Variants in SLC5A5 observed in about 807,000 individuals in gnomAD.
The protein encoded by SLC5A5 is sodium/iodide cotransporter.
SLC5A5 carries 56 observed loss-of-function variants against 68.6 expected under a neutral mutation model. The observed-to-expected ratio is 0.82, with a 90% CI of 0.66 to 1.02. SLC5A5 has a LOEUF of 1.02. Ranked by LOEUF, SLC5A5 falls within the 50% of genes least tolerant of loss-of-function variation. The probability of loss-of-function intolerance (pLI) is 0.00; values close to 1 mark genes in which losing one functional copy is unlikely to be tolerated. For missense variants in SLC5A5, 807 were observed against 859.8 expected (o/e 0.94, Z 0.77); for synonymous variants, 398 against 373.0 (o/e 1.07, Z -0.77).
At chr19:17,878,437 G>A (rs553012816) in intron 7 of SLC5A5, among the ~76,000 whole-genome samples, 6 of 152,074 alleles carry the variant, frequency 3.9e-5, no homozygotes, top group East Asian at 3.9e-4. Context: ...CCCGGGAGGC[G>A]GAGGTTGCGA....
chr19:17,873,200 C>T (rs1367285137), intron 1 of SLC5A5, among the ~76,000 whole-genome samples: 2 of 152,232 alleles, frequency 1.3e-5, no homozygotes, highest in East Asian at 3.9e-4. Context: ...GTGGCTCACG[C>T]CTGTAATCCC....
At position 17,883,856 on chromosome 19, in the gene SLC5A5, C is replaced by A. The variant is rs982826847; in HGVS notation, c.1336C>A (p.Leu446Ile). ...ACGCCGGCTCTGCCCCCAGGGCGTCCTCGCGGGACTAGGCGCGGGCTTGGC... is the reference window on the plus strand; with the variant it reads ...ACGCCGGCTCTGCCCCCAGGGCGTCATCGCGGGACTAGGCGCGGGCTTGGC... The part of the protein sequence containing the change: ...FLPACNTPGV[L>I]AGLGAGLALS... Residue 446 changes from leucine to isoleucine, a missense_variant, in exon 12 of 15, where the codon CTC becomes ATC. Coordinates refer to ENST00000222248, the MANE Select transcript of SLC5A5 (RefSeq NM_000453.3). 6.3e-7 allele frequency: 1 copy of A among 1,595,752 alleles called. No homozygotes were observed. Among genetic ancestry groups the A allele is most frequent in the Non-Finnish European group, 8.5e-7 (1 of 1,172,164 alleles).
In SLC5A5 at chr19:17,890,901, G is replaced by A. The variant is rs1251502647; in HGVS notation, c.1667G>A (p.Ser556Asn). 1.2e-6 allele frequency: 2 copies of A among 1,613,574 alleles called. No homozygotes were observed. The highest frequency in any genetic ancestry group is 2.2e-5 in the East Asian group (1 of 44,890). ...CGCCTCTCAGGCCCCACCAAGCGCA[G>A]CACCCTGGCCCCGGGATTGTTGTGG... is the stretch of plus-strand genomic sequence containing the variant. ...ISCLTGPTKRSTLAPGLLWWD... is the reference protein window; with the variant it reads ...ISCLTGPTKRNTLAPGLLWWD... The change falls in exon 14 of 15, where the codon AGC (serine) becomes AAC (asparagine). Residue 556 changes from serine (S) to asparagine (N), a missense_variant. Coordinates refer to ENST00000222248, the MANE Select transcript of SLC5A5 (RefSeq NM_000453.3).
intron 1 of SLC5A5, among the ~76,000 whole-genome samples, chr19:17,873,865 G>A (rs934598273): frequency 3.3e-5 from 5 of 152,236 alleles, no homozygotes; most frequent in African/African-American, 1.2e-4. Flanking sequence ...TCTGCTGAGC[G>A]GTGGCTGCTC....
At position 17,872,529 on chromosome 19, in the gene SLC5A5, C is replaced by G; in HGVS notation, c.210C>G (p.Ala70=). The G allele has an allele frequency of 1.2e-6, 2 of 1,612,766 alleles. No individual in the cohort carries two copies. Among genetic ancestry groups the G allele is most frequent in the Non-Finnish European group, 1.7e-6 (2 of 1,179,910 alleles). ...GLSLSASFMS[A]VQVLGVPSEA... ...CGCTGTCTGCCAGCTTCATGTCGGC[C>G]GTGCAGGTGCTGGGCGTGCCGTCGG... Residue 70 remains alanine, a synonymous_variant, in exon 1 of 15, where the codon GCC becomes GCG. Coordinates refer to ENST00000222248, the MANE Select transcript of SLC5A5 (RefSeq NM_000453.3).
intron 12 of SLC5A5, 58 bp downstream of exon 12, chr19:17,884,104 GA>G: frequency 7.2e-7 from 1 of 1,394,098 alleles, no homozygotes; most frequent in Non-Finnish European, 9.8e-7. Context: ...ATCTTGAAGG[GA>G]AACTTACTTG....
At chr19:17,884,134 A>C in intron 12 of SLC5A5, 88 bp downstream of exon 12, 1 of 1,180,756 alleles carries the variant, frequency 8.5e-7, no homozygotes, top group Non-Finnish European at 1.2e-6. Context: ...TCTGTGTAAG[A>C]AGCCTGATTA....
At position 17,894,088 on chromosome 19, in the gene SLC5A5, T is replaced by C; in HGVS notation, c.*211T>C. On this transcript the variant is annotated 3_prime_UTR_variant, in exon 15 of 15. Coordinates refer to ENST00000222248, the MANE Select transcript of SLC5A5 (RefSeq NM_000453.3). ...CCCTTGCTTCAACCGTCCCCAGTAT[T>C]AGACGCTGCAGCCCTGACGGCTCCC... The C allele has an allele frequency of 8.4e-6, 5 of 595,270 alleles. No homozygotes were observed. The highest frequency in any genetic ancestry group is 7.9e-5 in the South Asian group (4 of 50,518). The allele number at this position is 595,270 out of a possible 1,614,324, so 36.9% of individuals were successfully genotyped here.
chr19:17,880,851 C>T lies in SLC5A5; in HGVS notation c.970-14C>T, dbSNP rs754998846. Reference sequence around the variant, plus strand: ...GTGCAGCTGTCTGGGAGGCTGACCCCCAGTTCTCCCCAGTACATGCCTCTG... The same window carrying T: ...GTGCAGCTGTCTGGGAGGCTGACCCTCAGTTCTCCCCAGTACATGCCTCTG... On this transcript the variant is annotated splice_polypyrimidine_tract_variant and intron_variant, in intron 7 of 14. Coordinates refer to ENST00000222248, the MANE Select transcript of SLC5A5 (RefSeq NM_000453.3). 8.7e-6 allele frequency: 14 copies of T among 1,606,268 alleles called. No individual in the cohort carries two copies. Among genetic ancestry groups the T allele is most frequent in the Non-Finnish European group, 1.2e-5 (14 of 1,173,750 alleles).
rs774861319 is a variant in SLC5A5 at position 17,878,073 on chromosome 19, C to T, written c.949C>T (p.Arg317Cys). ...TGACTGCGACCCTCTCCTCCTGGGG[C>T]GCATCTCTGCCCCAGACCAGGTGAG... ...YTDCDPLLLG[R>C]ISAPDQYMPL... Residue 317 changes from arginine to cysteine, a missense_variant, in exon 7 of 15, where the codon CGC (arginine) becomes TGC (cysteine). Transcript: ENST00000222248. The T allele has an allele frequency of 1.8e-5, 29 of 1,611,846 alleles. No homozygotes were observed. The highest frequency in any genetic ancestry group is 1.8e-4 in the East Asian group (8 of 44,896).
At chr19:17,877,592 G>A in intron 5 of SLC5A5, 131 bp from the exon 6 acceptor site, 1 of 1,140,716 alleles carries the variant, frequency 8.8e-7, no homozygotes, top group Non-Finnish European at 1.3e-6. Context: ...ACAGGCATGA[G>A]CCACTGCGCC....
chr19:17,883,615 G>A, intron 10 of SLC5A5, 66 bp from the exon 11 acceptor site: 2 of 1,321,364 alleles, frequency 1.5e-6, no homozygotes, highest in Non-Finnish European at 1.1e-6. Context: ...TTTCCCAGCG[G>A]GTAAACTGAG....
rs945622956 is a variant in SLC5A5 at position 17,888,524 on chromosome 19, C to A, written c.1651+69C>A. On this transcript the variant is annotated intron_variant, in intron 13 of 14. Coordinates refer to ENST00000222248, the MANE Select transcript of SLC5A5 (RefSeq NM_000453.3). ...CTCTCTGCCTCAAGGCTCCACCCAG[C>A]AGGGAGGGGAGAAAGGACGCTCCCA... 29 of 1,581,446 alleles carry A rather than the reference C, an allele frequency of 1.8e-5. No individual in the cohort carries two copies. The East Asian group carries it at 6.5e-4, about 35-fold the overall frequency.
chr19:17,886,263 T>C (rs114180701), intron 12 of SLC5A5, among the ~76,000 whole-genome samples: 1,966 of 151,672 alleles, frequency 0.013, 38 homozygotes, highest in African/African-American at 0.044. Flanking sequence ...TTTCTCTAGG[T>C]ATATACCTAT....
chr19:17,892,152 G>A (rs2030197534), intron 14 of SLC5A5, among the ~76,000 whole-genome samples: 1 of 151,942 alleles, frequency 6.6e-6, no homozygotes, highest in Non-Finnish European at 1.5e-5. Context: ...AAATTAGCCG[G>A]GCATGGTGGC....
rs182592275 is a variant in SLC5A5 at position 17,874,944 on chromosome 19, C to A, written c.543+213C>A. Among the ~76,000 whole-genome samples the A allele has an allele frequency of 4.6e-5, 7 of 152,322 alleles. No individual in the cohort carries two copies. The East Asian group carries it at 1.3e-3, about 29-fold the overall frequency. The stretch of plus-strand genomic sequence containing the variant: ...AGGCATGGCTGGATCCAGGCTTCCA[C>A]CTCTTCTGGCTTCCAGTCCAGCAGG... On this transcript the variant is annotated intron_variant, in intron 4 of 14. Coordinates refer to ENST00000222248, the MANE Select transcript of SLC5A5 (RefSeq NM_000453.3).
At chr19:17,885,284 G>A (rs1422119071) in intron 12 of SLC5A5, among the ~76,000 whole-genome samples, 1 of 151,766 alleles carries the variant, frequency 6.6e-6, no homozygotes, top group Non-Finnish European at 1.5e-5. Context: ...GTGCCAGGAT[G>A]ACAGGTGTGG....
At position 17,876,123 on chromosome 19, in the gene SLC5A5, A is replaced by G. The variant is rs1279005125; in HGVS notation, c.698+17A>G. 6.2e-7 allele frequency: 1 copy of G among 1,613,278 alleles called. No individual in the cohort carries two copies. The highest frequency in any genetic ancestry group is 8.5e-7 in the Non-Finnish European group (1 of 1,179,690). ...CCTCATGGAGTGAGTGAAAATGCAG[A>G]GGATACTCCAGCAGGATGGGGCTGG... On this transcript the variant is annotated intron_variant, in intron 5 of 14. Transcript: ENST00000222248.
chr19:17,890,851 A>C, intron 13 of SLC5A5, 35 bp from the exon 14 acceptor site: 1 of 1,449,416 alleles, frequency 6.9e-7, no homozygotes, highest in Non-Finnish European at 9.7e-7. Flanking sequence ...CCTTCACTGA[A>C]TGCCTGGATT....
Sources: gnomAD v4.1 joint callset for allele counts (sites outside exome capture counted in the v4.1 genomes callset) on GRCh38, gnomAD v4.1.1 for gene constraint, MANE v1.5 for transcripts, NCBI Gene and HGNC (gene_info 2026-07-23, HGNC 2026-07-21) for gene names.